Variants in KCNC1 observed in about 807,000 individuals in gnomAD.
KCNC1 encodes potassium voltage-gated channel subfamily C member 1, also known as voltage-gated potassium channel KCNC1.
In KCNC1, 8 loss-of-function variants were observed where a neutral mutation model predicts 43.4. The ratio of observed to expected loss-of-function variants is 0.18; its 90% CI spans 0.11 to 0.33. KCNC1 has a LOEUF of 0.33. KCNC1 is among the 10% of genes least tolerant of loss of function. The pLI, the probability that KCNC1 is intolerant of heterozygous loss-of-function variation, is 1.00. For synonymous variants in KCNC1, 361 were observed against 360.5 expected (o/e 1.00, Z -0.01); for missense variants, 420 against 836.0 (o/e 0.50, Z 6.14).
At chr11:17,780,170 G>C (rs1034745453) in intron 3 of KCNC1, 3 of 152,690 alleles carry the variant, frequency 2.0e-5, no homozygotes, top group Non-Finnish European at 2.9e-5. Context: ...TGTCTTCAGG[G>C]CTTGGGGGTA....
intron 1 of KCNC1, among the ~76,000 whole-genome samples, chr11:17,756,337 C>A (rs1849021784): frequency 6.6e-6 from 1 of 151,986 alleles, no homozygotes; most frequent in African/African-American, 2.4e-5. Flanking sequence ...GTCAATGTCC[C>A]CCTCTCCTAC....
chr11:17,749,477 TG>T (rs1425169719), intron 1 of KCNC1, among the ~76,000 whole-genome samples: 1 of 151,998 alleles, frequency 6.6e-6, no homozygotes, highest in African/African-American at 2.4e-5. Context: ...CCCACATAGG[TG>T]GTGGGGCAGA....
intron 1 of KCNC1, among the ~76,000 whole-genome samples, chr11:17,762,907 A>G (rs1435436378): frequency 6.6e-6 from 1 of 152,138 alleles, no homozygotes; most frequent in Non-Finnish European, 1.5e-5. Flanking sequence ...CCAGGTTTCC[A>G]CAAGCCCAAG....
In KCNC1 at chr11:17,734,947, C is replaced by A; in HGVS notation, c.-1056C>A. ...CCGCCACCCCCGCCTCCCCGCCCGA[C>A]CTCCGCAGCCCCCGTCTCGGCCGGC... is the stretch of plus-strand genomic sequence containing the variant. On this transcript the variant is annotated 5_prime_UTR_variant, in exon 1 of 4. Transcript: ENST00000265969. 6.6e-6 allele frequency: 1 copy of A among 150,608 alleles called. No individual in the cohort carries two copies. Among genetic ancestry groups the A allele is most frequent in the South Asian group, 2.0e-4 (1 of 5,010 alleles). 9.3% of individuals were successfully genotyped at this position (150,608 alleles called of 1,614,324 possible).
In KCNC1 at chr11:17,777,459, A is replaced by G. The variant is rs908030957; in HGVS notation, c.1505-1997A>G. On this transcript the variant is annotated intron_variant, in intron 2 of 3. Transcript: ENST00000265969. The surrounding 1 kb of genome is among the most constrained non-coding windows in gnomAD (Gnocchi z 4.3). Reference sequence around the variant, plus strand: ...CCACATCGTCATCCGCGTCCTCTCCATACTGTTTCCCTCCCCTCTCCCAAC... The same window carrying G: ...CCACATCGTCATCCGCGTCCTCTCCGTACTGTTTCCCTCCCCTCTCCCAAC... The G allele has an allele frequency of 1.1e-5, 11 of 985,768 alleles. No individual in the cohort carries two copies. Among genetic ancestry groups the G allele is most frequent in the Non-Finnish European group, 1.3e-5 (11 of 829,986 alleles). 61.1% of individuals were successfully genotyped at this position (985,768 alleles called of 1,614,324 possible). A position where few individuals can be genotyped will look rare whatever the true frequency, so the allele number is the denominator to read the frequency against.
At position 17,742,698 on chromosome 11, in the gene KCNC1, C is replaced by T. The variant is rs1848856345; in HGVS notation, c.570+6126C>T. 6.6e-6 allele frequency among the ~76,000 whole-genome samples: 1 copy of T among 152,194 alleles called. No homozygotes were observed. The highest frequency in any genetic ancestry group is 1.5e-5 in the Non-Finnish European group (1 of 68,034). On this transcript the variant is annotated intron_variant, in intron 1 of 3. Transcript: ENST00000265969. The surrounding 1 kb of genome is among the most constrained non-coding windows in gnomAD (Gnocchi z 4.2). ...GGGAATGGGTGCTCCCAGGCTACCT[C>T]TAGTCAATATTTTCATTCAGTGAAA... is the stretch of plus-strand genomic sequence containing the variant.
intron 1 of KCNC1, among the ~76,000 whole-genome samples, chr11:17,769,949 TCTCA>T (rs1849204396): frequency 6.6e-6 from 1 of 152,236 alleles, no homozygotes; most frequent in Non-Finnish European, 1.5e-5. Flanking sequence ...TACAGGCTAC[TCTCA>T]CTCTGTCATT....
At position 17,779,362 on chromosome 11, in the gene KCNC1, G is replaced by A. The variant is rs142092022; in HGVS notation, c.1505-94G>A. Reference sequence around the variant, plus strand: ...TTCCGTCCTCAGGGACGCTCAAGCTGCCCTCTGCCAATACCCCGCTTCTGG... The same window carrying A: ...TTCCGTCCTCAGGGACGCTCAAGCTACCCTCTGCCAATACCCCGCTTCTGG... On this transcript the variant is annotated intron_variant, in intron 2 of 3. Coordinates refer to ENST00000265969, the MANE Select transcript of KCNC1 (RefSeq NM_001112741.2). The surrounding 1 kb of genome is among the most constrained non-coding windows in gnomAD (Gnocchi z 7.2). 0.023 allele frequency: 23,917 copies of A among 1,058,822 alleles called. 336 individuals are homozygous for A. Among genetic ancestry groups the A allele is most frequent in the Non-Finnish European group, 0.025 (19,438 of 764,776 alleles). The allele number at this position is 1,058,822 out of a possible 1,614,324, so 65.6% of individuals were successfully genotyped here.
rs143960025 is a variant in KCNC1, at chr11:17,772,213, C to A, written c.1119C>A (p.Pro373=). 8 of 1,614,096 alleles carry A rather than the reference C, an allele frequency of 5.0e-6. No individual in the cohort carries two copies. In the African/African-American group the frequency reaches 1.1e-4, roughly 22 times the overall value. ...IYYAERIGAQ[P]NDPSASEHTH... ...ACGCCGAGAGGATAGGGGCACAGCC[C>A]AATGACCCCAGCGCCAGTGAGCACA... The change falls in exon 2 of 4, where the codon CCC becomes CCA. Residue 373 remains proline (P), a synonymous_variant. Transcript: ENST00000265969.
chr11:17,753,845 A>G (rs980485503), intron 1 of KCNC1, among the ~76,000 whole-genome samples: 3 of 152,146 alleles, frequency 2.0e-5, no homozygotes, highest in Admixed American at 6.5e-5. Flanking sequence ...CCCAGATTCC[A>G]GATTCGCCAC....
In KCNC1 at chr11:17,773,567, G is replaced by T; in HGVS notation, c.1504+969G>T. 1.0e-6 allele frequency: 1 copy of T among 985,122 alleles called. No homozygotes were observed. Among genetic ancestry groups the T allele is most frequent in the Non-Finnish European group, 1.2e-6 (1 of 829,904 alleles). 61.0% of individuals were successfully genotyped at this position (985,122 alleles called of 1,614,324 possible). A position where few individuals can be genotyped will look rare whatever the true frequency, so the allele number is the denominator to read the frequency against. ...GTGAATTCACTGGGGGCCGGGAGGG[G>T]GGAGGGGGGCATGAAACAATACTAG... On this transcript the variant is annotated intron_variant, in intron 2 of 3. Coordinates refer to ENST00000265969, the MANE Select transcript of KCNC1 (RefSeq NM_001112741.2). This position sits in a 1 kb window ranked among gnomAD's most constrained non-coding sequence, Gnocchi z 4.1.
chr11:17,744,775 G>A (rs1848879051), intron 1 of KCNC1, among the ~76,000 whole-genome samples: 1 of 152,078 alleles, frequency 6.6e-6, no homozygotes, highest in Admixed American at 6.5e-5. Flanking sequence ...GTTTGCGATG[G>A]CTGCTATGGG....
chr11:17,739,377 G>A lies in KCNC1; in HGVS notation c.570+2805G>A, dbSNP rs1438887649. Among the ~76,000 whole-genome samples the A allele has an allele frequency of 0.04, 1,625 of 40,672 alleles. 15 individuals are homozygous for A. Among genetic ancestry groups the A allele is most frequent in the Non-Finnish European group, 0.11 (1,057 of 9,842 alleles). 26.7% of individuals were successfully genotyped at this position (40,672 alleles called of 152,430 possible). ...AGACTCCAGGCGTGTGTGTGTGTGT[G>A]TGTGTGTGTGTGTGTGTGTGTGGTG... On this transcript the variant is annotated intron_variant, in intron 1 of 3. Transcript: ENST00000265969. This position sits in a 1 kb window ranked among gnomAD's most constrained non-coding sequence, Gnocchi z 4.2.
Position 17,771,895 on chromosome 11 carries a change from C to T in KCNC1, c.801C>T (p.Cys267=). 2 of 1,614,224 alleles carry T rather than the reference C, an allele frequency of 1.2e-6. No homozygotes were observed. Among genetic ancestry groups the T allele is most frequent in the Non-Finnish European group, 1.7e-6 (2 of 1,180,026 alleles). ...AGTTCCTCATGCGTGTCATCTTCTG[C>T]CCCAACAAGGTAGAGTTCATCAAGA... is the stretch of plus-strand genomic sequence containing the variant. ...TFEFLMRVIF[C]PNKVEFIKNS... Residue 267 remains cysteine (C), a synonymous_variant, in exon 2 of 4, where the codon TGC becomes TGT. Transcript: ENST00000265969. The surrounding 1 kb of genome is among the most constrained non-coding windows in gnomAD (Gnocchi z 4.7).
chr11:17,772,939 G>A, intron 2 of KCNC1: 14 of 1,181,882 alleles, frequency 1.2e-5, no homozygotes, highest in Non-Finnish European at 1.5e-5. Context: ...TCCGGTGTGA[G>A]TCTCTGACTC....
At position 17,739,282 on chromosome 11, in the gene KCNC1, GAGAC is replaced by G. The variant is rs1475688286; in HGVS notation, c.570+2714_570+2717del. Among the ~76,000 whole-genome samples the G allele has an allele frequency of 2.0e-5, 3 of 152,222 alleles. No homozygotes were observed. The highest frequency in any genetic ancestry group is 7.2e-5 in the African/African-American group (3 of 41,458). ...TGTGTGAAGGAAAGGCTGTATGTGT[GAGAC>G]AGAGGCTCTTTGTAAGAGAGATTGT... On this transcript the variant is annotated intron_variant, in intron 1 of 3. Coordinates refer to ENST00000265969, the MANE Select transcript of KCNC1 (RefSeq NM_001112741.2). The surrounding 1 kb of genome is among the most constrained non-coding windows in gnomAD (Gnocchi z 4.2).
chr11:17,774,647 G>A, intron 2 of KCNC1: 1 of 985,514 alleles, frequency 1.0e-6, no homozygotes, highest in Non-Finnish European at 1.2e-6. Context: ...CCCCAGCCCT[G>A]CTTTTGAGAG....
chr11:17,750,692 C>T (rs2133787728), intron 1 of KCNC1, among the ~76,000 whole-genome samples: 1 of 152,322 alleles, frequency 6.6e-6, no homozygotes, highest in East Asian at 1.9e-4. Flanking sequence ...GCTCCGGCTC[C>T]CTGCCCTTCT....
intron 1 of KCNC1, among the ~76,000 whole-genome samples, chr11:17,754,355 C>T (rs1451735747): frequency 1.3e-5 from 2 of 152,200 alleles, no homozygotes; most frequent in Admixed American, 6.5e-5. Flanking sequence ...ACCAGTGTAG[C>T]GCTTCCGTTA....
Sources: allele counts gnomAD v4.1 joint callset (sites outside exome capture counted in the v4.1 genomes callset), GRCh38; gene constraint gnomAD v4.1.1; non-coding constraint Gnocchi (gnomAD v3.1); transcripts MANE v1.5; gene names NCBI Gene and HGNC (gene_info 2026-07-23, HGNC 2026-07-21).